Variants in RBFOX1 observed in about 807,000 individuals in gnomAD.
The protein encoded by RBFOX1 is RNA binding fox-1 homolog 1, also known as RNA binding protein fox-1 homolog 1.
RBFOX1 carries 8 observed loss-of-function variants against 57.7 expected under a neutral mutation model. The ratio of observed to expected loss-of-function variants is 0.14; its 90% CI spans 0.08 to 0.25. RBFOX1 has a LOEUF of 0.25. RBFOX1 is among the 10% of genes least tolerant of loss of function. The pLI is 1.00. For missense variants in RBFOX1, 611 were observed against 548.5 expected (o/e 1.11, Z -1.14); for synonymous variants, 326 against 222.4 (o/e 1.47, Z -4.15).
At chr16:7,191,350 A>C (rs962424160) in intron 4 of RBFOX1, among the ~76,000 whole-genome samples, 1 of 152,170 alleles carries the variant, frequency 6.6e-6, no homozygotes. Context: ...AAAAAAAAAA[A>C]AACAGCACAT....
intron 2 of RBFOX1, among the ~76,000 whole-genome samples, chr16:6,606,891 T>G: frequency 6.6e-6 from 1 of 152,116 alleles, no homozygotes; most frequent in Non-Finnish European, 1.5e-5. Flanking sequence ...GATTGCTGGG[T>G]CAAATGGTGT....
chr16:6,455,641 C>T (rs1220794271), intron 2 of RBFOX1, among the ~76,000 whole-genome samples: 2 of 152,176 alleles, frequency 1.3e-5, no homozygotes, highest in Admixed American at 6.5e-5. Context: ...ACCATATAGA[C>T]AGGTACCTCA....
chr16:7,265,174 C>A (rs1056411589), intron 4 of RBFOX1, among the ~76,000 whole-genome samples: 2 of 152,146 alleles, frequency 1.3e-5, no homozygotes, highest in Non-Finnish European at 2.9e-5. Flanking sequence ...TATCCAGTTG[C>A]CATAGCAAAG....
chr16:6,142,463 C>A (rs768810576), intron 1 of RBFOX1, among the ~76,000 whole-genome samples: 5 of 151,898 alleles, frequency 3.3e-5, no homozygotes, highest in South Asian at 2.1e-4. Flanking sequence ...CCTTGTGATT[C>A]GCCCGCCTCG....
At chr16:5,382,819 C>G (rs181117526) in intron 1 of RBFOX1, among the ~76,000 whole-genome samples, 1 of 152,326 alleles carries the variant, frequency 6.6e-6, no homozygotes, top group East Asian at 1.9e-4. Context: ...GTTTATCTCT[C>G]TGAATCTTCT....
chr16:6,678,071 C>T (rs2058042337), intron 3 of RBFOX1, among the ~76,000 whole-genome samples: 2 of 152,158 alleles, frequency 1.3e-5, no homozygotes, highest in South Asian at 2.1e-4. Context: ...ATCTATTCAT[C>T]CTATATAGCC....
intron 2 of RBFOX1, among the ~76,000 whole-genome samples, chr16:6,337,183 G>A (rs1444593215): frequency 2.0e-5 from 3 of 152,258 alleles, no homozygotes; most frequent in Middle Eastern, 3.4e-3. Context: ...CCCACCATGT[G>A]GCATGTTGAT....
In RBFOX1 at chr16:7,608,673, G is replaced by C. The variant is rs568212563; in HGVS notation, c.676+1335G>C. ...TCACCAGCAGTGTGACTCTGGGCAA[G>C]TTACTTAACCTCTCTGTGCCTCAGT... On this transcript the variant is annotated intron_variant, in intron 10 of 15. Transcript: ENST00000550418. 1.8e-3 allele frequency among the ~76,000 whole-genome samples: 277 copies of C among 152,322 alleles called. 1 individual carries two copies. The highest frequency in any genetic ancestry group is 6.0e-3 in the African/African-American group (249 of 41,584).
At chr16:6,500,885 T>TGTTTG (rs1328724215) in intron 2 of RBFOX1, among the ~76,000 whole-genome samples, 1 of 90,432 alleles carries the variant, frequency 1.1e-5, no homozygotes, top group Non-Finnish European at 2.6e-5. Context: ...AGTTTTTTTT[T>TGTTTG]TTTTTTTTTT....
chr16:6,136,057 C>T (rs1211413057), intron 1 of RBFOX1, among the ~76,000 whole-genome samples: 1 of 152,022 alleles, frequency 6.6e-6, no homozygotes, highest in Admixed American at 6.6e-5. Context: ...GGCCTCCCAA[C>T]GTGCTGGGAT....
At chr16:5,339,381 A>G (rs552155667) in intron 1 of RBFOX1, among the ~76,000 whole-genome samples, 10 of 151,432 alleles carry the variant, frequency 6.6e-5, no homozygotes, top group Non-Finnish European at 1.5e-4. Context: ...TGGCCTTAAC[A>G]AAGGCAATGG....
At chr16:7,171,981 G>T (rs767850313) in intron 4 of RBFOX1, among the ~76,000 whole-genome samples, 1 of 152,194 alleles carries the variant, frequency 6.6e-6, no homozygotes, top group East Asian at 1.9e-4. Flanking sequence ...AAGCTGTGTA[G>T]TATAGTAGGA....
intron 3 of RBFOX1, among the ~76,000 whole-genome samples, chr16:6,940,199 AAAAT>A (rs751398033): frequency 2.1e-5 from 3 of 141,726 alleles, no homozygotes; most frequent in Admixed American, 7.2e-5. Context: ...CTCAAAAATA[AAAAT>A]AAATAAATAA....
chr16:5,353,406 G>T (rs2065308361), intron 1 of RBFOX1, among the ~76,000 whole-genome samples: 1 of 152,050 alleles, frequency 6.6e-6, no homozygotes, highest in African/African-American at 2.4e-5. Context: ...TGCTATGGAG[G>T]AGTTCCCCAG....
intron 4 of RBFOX1, among the ~76,000 whole-genome samples, chr16:5,957,012 T>C (rs540373444): frequency 3.5e-4 from 53 of 152,114 alleles, no homozygotes; most frequent in African/African-American, 1.3e-3. Context: ...TGAAACTTGG[T>C]AGCTTGAAAT....
intron 9 of RBFOX1, among the ~76,000 whole-genome samples, chr16:7,606,744 A>G (rs2095301033): frequency 6.6e-6 from 1 of 152,208 alleles, no homozygotes; most frequent in Non-Finnish European, 1.5e-5. Context: ...GAATGCATCA[A>G]AATGTAGGCC....
At chr16:6,476,768 C>A (rs947455204) in intron 2 of RBFOX1, among the ~76,000 whole-genome samples, 1 of 152,188 alleles carries the variant, frequency 6.6e-6, no homozygotes, top group African/African-American at 2.4e-5. Context: ...TGAAATACTT[C>A]TCTGCAGCAC....
intron 2 of RBFOX1, among the ~76,000 whole-genome samples, chr16:5,568,401 A>G (rs968297568): frequency 2.6e-5 from 4 of 152,186 alleles, no homozygotes; most frequent in African/African-American, 7.2e-5. Flanking sequence ...ATAATTGGAC[A>G]TCGTATAATC....
intron 4 of RBFOX1, among the ~76,000 whole-genome samples, chr16:7,251,808 A>G (rs1329992821): frequency 1.3e-5 from 2 of 152,188 alleles, no homozygotes; most frequent in South Asian, 2.1e-4. Flanking sequence ...GAGTGCAGAT[A>G]TCCCTTCAAA....
Sources: allele counts gnomAD v4.1 joint callset (sites outside exome capture counted in the v4.1 genomes callset), GRCh38; gene constraint gnomAD v4.1.1; transcripts MANE v1.5; gene names NCBI Gene and HGNC (gene_info 2026-07-23, HGNC 2026-07-21).